The following PCSK5 variants were observed in gnomAD, a reference collection of about 807,000 sequenced individuals.
PCSK5 encodes the protein proprotein convertase subtilisin/kexin type 5.
Under a neutral mutation model 233.2 loss-of-function variants are expected in PCSK5, and 129 were observed. The ratio of observed to expected loss-of-function variants is 0.55; its 90% confidence interval spans 0.48 to 0.64. The LOEUF (loss-of-function observed/expected upper bound fraction) is 0.64. PCSK5 is among the 30% of genes least tolerant of loss of function. PCSK5 has a pLI of 0.00. For missense variants in PCSK5, 2,076 were observed against 2,430.1 expected (o/e 0.85, Z 3.06); for synonymous variants, 825 against 879.2 (o/e 0.94, Z 1.09).
At chr9:76,200,670 A>T (rs1824878430) in intron 20 of PCSK5, among the ~76,000 whole-genome samples, 1 of 152,210 alleles carries the variant, frequency 6.6e-6, no homozygotes, top group Non-Finnish European at 1.5e-5. Flanking sequence ...GAAGGTTATG[A>T]TGTTTAAGAA....
chr9:76,271,863 G>T (rs1308672345), intron 24 of PCSK5, among the ~76,000 whole-genome samples: 2 of 152,060 alleles, frequency 1.3e-5, no homozygotes, highest in Non-Finnish European at 2.9e-5. Context: ...TTATCTTGCA[G>T]CTGCATAACT....
chr9:76,008,239 T>G (rs1827567838), intron 3 of PCSK5, among the ~76,000 whole-genome samples: 1 of 152,152 alleles, frequency 6.6e-6, no homozygotes, highest in Non-Finnish European at 1.5e-5. Flanking sequence ...TTCTCCTGCT[T>G]ATGTGTAATT....
intron 33 of PCSK5, 94 bp from the exon 34 acceptor site, chr9:76,332,339 C>A: frequency 1.2e-6 from 1 of 851,792 alleles, no homozygotes; most frequent in Non-Finnish European, 1.9e-6. Flanking sequence ...CTGCAGCCCT[C>A]TCCTCCCTCC....
intron 24 of PCSK5, among the ~76,000 whole-genome samples, chr9:76,289,517 T>TACACACACACACACACACACACACAC (rs138282168): frequency 1.7e-5 from 2 of 119,350 alleles, no homozygotes; most frequent in Non-Finnish European, 1.7e-5. Flanking sequence ...ACACGCAACA[T>TACACACACACACACACACACACACAC]ACACACACAC....
chr9:76,218,847 G>A (rs530335456), intron 20 of PCSK5, among the ~76,000 whole-genome samples: 77 of 152,272 alleles, frequency 5.1e-4, no homozygotes, highest in South Asian at 1.2e-3. Context: ...CAGTAGGCAC[G>A]GAGCAAACCT....
intron 9 of PCSK5, among the ~76,000 whole-genome samples, chr9:76,118,721 TATC>T (rs1191121255): frequency 8.6e-5 from 13 of 152,012 alleles, no homozygotes; most frequent in South Asian, 2.1e-4. Context: ...TAAATTATAT[TATC>T]ATCAAAATAA....
rs990238692 is a variant in PCSK5 at position 76,361,650 on chromosome 9, T to G, written c.*2728T>G. Reference sequence around the variant, plus strand: ...CCGGGAGGTCGAGGCTGCAGTGAGCTGTGATCTTGCTATTGCACTTCAGCC... The same window carrying G: ...CCGGGAGGTCGAGGCTGCAGTGAGCGGTGATCTTGCTATTGCACTTCAGCC... On this transcript the variant is annotated 3_prime_UTR_variant, in exon 38 of 38. Coordinates refer to ENST00000674117, the MANE Select transcript of PCSK5 (RefSeq NM_001372043.1). 1.4e-4 allele frequency: 21 copies of G among 152,382 alleles called. No homozygotes were observed. Among genetic ancestry groups the G allele is most frequent in the African/African-American group, 5.1e-4 (21 of 41,468 alleles). The allele number at this position is 152,382 out of a possible 1,614,324, so 9.4% of individuals were successfully genotyped here. A position where few individuals can be genotyped will look rare whatever the true frequency, so the allele number is the denominator to read the frequency against.
intron 20 of PCSK5, among the ~76,000 whole-genome samples, chr9:76,225,478 C>T (rs1476417749): frequency 1.3e-5 from 2 of 152,060 alleles, no homozygotes; most frequent in Non-Finnish European, 2.9e-5. Flanking sequence ...AAAAACAAAT[C>T]GTTTGCACTG....
At chr9:76,342,872 C>G (rs565003970) in intron 35 of PCSK5, among the ~76,000 whole-genome samples, 2 of 152,174 alleles carry the variant, frequency 1.3e-5, no homozygotes, top group Non-Finnish European at 2.9e-5. Flanking sequence ...TCCTCCCCCT[C>G]TCTCAATCCC....
intron 20 of PCSK5, chr9:76,194,642 G>T: frequency 5.7e-6 from 2 of 353,510 alleles, no homozygotes; most frequent in Non-Finnish European, 1.2e-5. Context: ...GGTTTTCTGT[G>T]ACTCTCTAAA....
At chr9:76,009,520 G>A (rs944074792) in intron 3 of PCSK5, among the ~76,000 whole-genome samples, 2 of 151,716 alleles carry the variant, frequency 1.3e-5, no homozygotes, top group Admixed American at 6.6e-5. Context: ...CCAGCTACTC[G>A]GGAGGCTGAG....
At chr9:76,018,545 G>A (rs917430179) in intron 3 of PCSK5, among the ~76,000 whole-genome samples, 3 of 152,156 alleles carry the variant, frequency 2.0e-5, no homozygotes, top group African/African-American at 7.2e-5. Flanking sequence ...CTAAGGCAAT[G>A]CCCAGTGATC....
chr9:76,112,709 T>C (rs144519836), intron 9 of PCSK5, among the ~76,000 whole-genome samples: 1,598 of 152,256 alleles, frequency 0.01, 27 homozygotes, highest in African/African-American at 0.036. Flanking sequence ...ATAATTCAAA[T>C]ATGTATAAAA....
chr9:76,132,447 C>A (rs766417973), intron 9 of PCSK5, among the ~76,000 whole-genome samples: 3 of 151,934 alleles, frequency 2.0e-5, no homozygotes, highest in Non-Finnish European at 2.9e-5. Context: ...AATTCAAGTT[C>A]TTTTGTTGAT....
intron 16 of PCSK5, among the ~76,000 whole-genome samples, chr9:76,183,118 C>T (rs925575657): frequency 1.3e-5 from 2 of 152,062 alleles, no homozygotes; most frequent in Non-Finnish European, 2.9e-5. Context: ...TGCAGTATTC[C>T]TTGTGAGGAA....
intron 5 of PCSK5, among the ~76,000 whole-genome samples, chr9:76,043,059 C>G (rs62558823): frequency 6.6e-6 from 1 of 151,916 alleles, no homozygotes; most frequent in Admixed American, 6.6e-5. Context: ...AAGAAATGTA[C>G]TTTCAGGCCA....
Position 76,159,006 on chromosome 9 carries a change from T to C in PCSK5, c.1454T>C (p.Val485Ala), listed in dbSNP as rs1822729855. Residue 485 changes from valine (V) to alanine (A), a missense_variant, in exon 12 of 38, where the codon GTG becomes GCG. Around this residue, in one of 6 missense-constraint regions of PCSK5, gnomAD observed 64 missense variants for 68.6 expected, o/e 0.93. Transcript: ENST00000674117. ...QIKTIRPNSA[V>A]RSIYKASGCS... is the part of the protein sequence containing the mutation. Reference sequence around the variant, plus strand: ...AGGACAATCCGCCCTAACAGTGCAGTGCGCTCCATCTACAAAGCTTCAGGC... The same window carrying C: ...AGGACAATCCGCCCTAACAGTGCAGCGCGCTCCATCTACAAAGCTTCAGGC... 1 of 1,614,142 alleles carries C rather than the reference T, an allele frequency of 6.2e-7. No homozygotes were observed. The highest frequency in any genetic ancestry group is 8.5e-7 in the Non-Finnish European group (1 of 1,179,978).
At position 76,264,604 on chromosome 9, in the gene PCSK5, A is replaced by T. The variant is rs561451254; in HGVS notation, c.3142+23920A>T. ...AAAACCTTAAAAAATGAGCAAAGAC[A>T]TGAACAGACACTTCTCAAAAGAAGA... On this transcript the variant is annotated intron_variant, in intron 24 of 37. Coordinates refer to ENST00000674117, the MANE Select transcript of PCSK5 (RefSeq NM_001372043.1). Among the ~76,000 whole-genome samples, 31 of 152,318 alleles carry T rather than the reference A, an allele frequency of 2.0e-4. 1 individual carries two copies. In the South Asian group the frequency reaches 6.2e-3, roughly 31 times the overall value.
intron 2 of PCSK5, among the ~76,000 whole-genome samples, chr9:75,949,945 G>C (rs754016729): frequency 6.6e-6 from 1 of 152,128 alleles, no homozygotes; most frequent in Non-Finnish European, 1.5e-5. Context: ...CATCTATGTT[G>C]GGACATTAAG....
Sources: gnomAD v4.1 joint callset for allele counts (sites outside exome capture counted in the v4.1 genomes callset) on GRCh38, gnomAD v4.1.1 for gene constraint, gnomAD v4.1.1 regional missense constraint, MANE v1.5 for transcripts, NCBI Gene and HGNC (gene_info 2026-07-23, HGNC 2026-07-21) for gene names.